Variants in PHF24 observed in about 807,000 individuals in gnomAD.
PHF24 encodes Galpha inhibitory interacting protein.
A neutral mutation model predicts 42.6 loss-of-function variants in PHF24; 25 were observed. That is an observed-to-expected ratio of 0.59 (90% confidence interval 0.43 to 0.82). PHF24 has a LOEUF of 0.82. PHF24 is among the 40% of genes least tolerant of loss of function. The pLI, the probability that PHF24 is intolerant of heterozygous loss-of-function variation, is 0.00. For missense variants in PHF24, 470 were observed against 538.1 expected (o/e 0.87, Z 1.25); for synonymous variants, 185 against 204.8 (o/e 0.90, Z 0.83).
the PHF24 span, among the ~76,000 whole-genome samples, chr9:34,778,643 G>C: frequency 6.6e-6 from 1 of 152,100 alleles, no homozygotes; most frequent in South Asian, 2.1e-4. Context: ...GAACTGAAGG[G>C]AGAAATAGAC....
At chr9:34,679,040 TC>T in the PHF24 span, among the ~76,000 whole-genome samples, 1 of 152,194 alleles carries the variant, frequency 6.6e-6, no homozygotes, top group Non-Finnish European at 1.5e-5. Context: ...ATACTCACAT[TC>T]CCAGCCTCTC....
the PHF24 span, among the ~76,000 whole-genome samples, chr9:34,803,912 T>A: frequency 8.5e-5 from 13 of 152,352 alleles, no homozygotes; most frequent in East Asian, 2.1e-3. Flanking sequence ...ACATAGCTGC[T>A]GGAAGAAATT....
the PHF24 span, among the ~76,000 whole-genome samples, chr9:34,820,595 A>G: frequency 6.6e-6 from 1 of 152,190 alleles, no homozygotes; most frequent in Non-Finnish European, 1.5e-5. Flanking sequence ...GTAGTATTCC[A>G]TGGCATATAT....
At chr9:34,847,061 T>C in the PHF24 span, among the ~76,000 whole-genome samples, 1 of 152,204 alleles carries the variant, frequency 6.6e-6, no homozygotes, top group Non-Finnish European at 1.5e-5. Flanking sequence ...TCTTTTGGCT[T>C]AGGATTGACT....
the PHF24 span, among the ~76,000 whole-genome samples, chr9:34,942,888 A>G: frequency 5.3e-5 from 8 of 152,158 alleles, no homozygotes; most frequent in African/African-American, 1.9e-4. Context: ...ATTAGGAGAA[A>G]TACCTAATGT....
the PHF24 span, among the ~76,000 whole-genome samples, chr9:34,831,279 A>T: frequency 6.6e-6 from 1 of 152,158 alleles, no homozygotes; most frequent in East Asian, 1.9e-4. Context: ...CACCAGGTAG[A>T]TCCTGGGAGG....
the PHF24 span, chr9:34,918,076 C>A: frequency 2.0e-6 from 3 of 1,492,088 alleles, no homozygotes; most frequent in Non-Finnish European, 2.8e-6. Flanking sequence ...CGACACCTAA[C>A]TGGATTCCAT....
the PHF24 span, among the ~76,000 whole-genome samples, chr9:34,910,325 A>G: frequency 6.6e-6 from 1 of 152,034 alleles, no homozygotes; most frequent in Non-Finnish European, 1.5e-5. Context: ...CTTGGAAAAC[A>G]TTAAAAATTA....
At chr9:34,923,038 G>T in the PHF24 span, 63 of 408,870 alleles carry the variant, frequency 1.5e-4, no homozygotes, top group East Asian at 3.1e-4. Flanking sequence ...AGTTTTTTAA[G>T]TTTTGTTTTT....
chr9:34,690,753 A>G, the PHF24 span, among the ~76,000 whole-genome samples: 6 of 152,048 alleles, frequency 3.9e-5, no homozygotes, highest in Non-Finnish European at 7.4e-5. Context: ...TTTGAATATC[A>G]GCCTTGGCTT....
the PHF24 span, among the ~76,000 whole-genome samples, chr9:34,871,228 C>T: frequency 6.6e-6 from 1 of 152,174 alleles, no homozygotes; most frequent in Non-Finnish European, 1.5e-5. Flanking sequence ...GTTTACTTGC[C>T]ATCTGTATAC....
the PHF24 span, among the ~76,000 whole-genome samples, chr9:34,762,217 T>A: frequency 6.6e-6 from 1 of 151,764 alleles, no homozygotes; most frequent in Non-Finnish European, 1.5e-5. Context: ...TACCCAGTAA[T>A]GGGATGGCTG....
chr9:34,943,467 T>C, the PHF24 span, among the ~76,000 whole-genome samples: 1 of 152,192 alleles, frequency 6.6e-6, no homozygotes, highest in Non-Finnish European at 1.5e-5. Flanking sequence ...TAGCCAGGAC[T>C]TCATTTATTA....
intron 3 of PHF24, 24 bp from the exon 4 acceptor site, chr9:34,976,128 G>A (rs777267246): frequency 1.4e-5 from 22 of 1,591,176 alleles, no homozygotes; most frequent in East Asian, 8.9e-5. Context: ...TATGGCCACC[G>A]ACTCAGCTCT....
the PHF24 span, among the ~76,000 whole-genome samples, chr9:34,686,398 G>A: frequency 6.6e-6 from 1 of 152,194 alleles, no homozygotes; most frequent in African/African-American, 2.4e-5. Flanking sequence ...CAGCTGTCTT[G>A]AGAACTGGAT....
At chr9:34,765,979 T>C in the PHF24 span, among the ~76,000 whole-genome samples, 2 of 151,962 alleles carry the variant, frequency 1.3e-5, no homozygotes, top group Non-Finnish European at 2.9e-5. Context: ...TGGCTGGATA[T>C]GAAATTCTGG....
chr9:34,848,302 G>T, the PHF24 span, among the ~76,000 whole-genome samples: 3 of 151,834 alleles, frequency 2.0e-5, no homozygotes, highest in East Asian at 5.8e-4. Flanking sequence ...TATTCAGAGA[G>T]TCAACTTCTT....
the PHF24 span, chr9:34,666,228 G>C: frequency 6.2e-6 from 1 of 161,996 alleles, no homozygotes; most frequent in South Asian, 1.4e-4. Flanking sequence ...TAGGTGTCAG[G>C]TCAGGTTTTG....
the PHF24 span, chr9:34,709,631 C>G: frequency 3.1e-6 from 5 of 1,614,192 alleles, no homozygotes; most frequent in Admixed American, 1.7e-5. Flanking sequence ...GCACCCAGAG[C>G]TCCTTTGGGT....
Sources: allele counts gnomAD v4.1 joint callset (sites outside exome capture counted in the v4.1 genomes callset), GRCh38; gene constraint gnomAD v4.1.1; transcripts MANE v1.5; gene names NCBI Gene and HGNC (gene_info 2026-07-23, HGNC 2026-07-21).